Variants in FHIT observed in about 807,000 individuals in gnomAD.
The protein encoded by FHIT is fragile histidine triad diadenosine triphosphatase.
Under a neutral mutation model 17.9 loss-of-function variants are expected in FHIT, and 19 were observed. The ratio of observed to expected loss-of-function variants is 1.06; its 90% CI spans 0.74 to 1.56. The LOEUF (loss-of-function observed/expected upper bound fraction) is 1.56. FHIT is among the 40% of genes most tolerant of loss of function. The pLI, the probability that FHIT is intolerant of heterozygous loss-of-function variation, is 0.00. For missense variants in FHIT, 248 were observed against 189.2 expected (o/e 1.31, Z -1.82); for synonymous variants, 81 against 69.7 (o/e 1.16, Z -0.81).
intron 4 of FHIT, among the ~76,000 whole-genome samples, chr3:60,575,079 A>G (rs181493538): frequency 6.6e-6 from 1 of 152,214 alleles, no homozygotes; most frequent in East Asian, 1.9e-4. Context: ...CAGTCTCCAA[A>G]GAGTTTTCCT....
intron 2 of FHIT, among the ~76,000 whole-genome samples, chr3:61,130,930 C>G (rs2036746736): frequency 1.3e-5 from 2 of 152,138 alleles, no homozygotes; most frequent in African/African-American, 4.8e-5. Flanking sequence ...TGATCCTAGG[C>G]CTGTATGAAA....
chr3:61,218,844 C>G (rs1004001586), intron 1 of FHIT, among the ~76,000 whole-genome samples: 18 of 152,148 alleles, frequency 1.2e-4, no homozygotes, highest in Non-Finnish European at 2.2e-4. Context: ...ATTGTTCAAA[C>G]CAACCCCACC....
chr3:60,705,119 AC>A (rs1174342980), intron 4 of FHIT, among the ~76,000 whole-genome samples: 1 of 152,120 alleles, frequency 6.6e-6, no homozygotes, highest in Non-Finnish European at 1.5e-5. Flanking sequence ...AGGAGAAACC[AC>A]AGAGAATGAT....
chr3:60,559,583 A>G (rs955529817), intron 4 of FHIT, among the ~76,000 whole-genome samples: 5 of 152,138 alleles, frequency 3.3e-5, no homozygotes, highest in African/African-American at 1.2e-4. Context: ...AGGACAATGC[A>G]CAGTATAATG....
Position 60,274,685 on chromosome 3 carries a change from A to T in FHIT, c.104-260533T>A, listed in dbSNP as rs141710097. On this transcript the variant is annotated intron_variant, in intron 5 of 9. Transcript: ENST00000492590. Reference sequence around the variant, plus strand: ...AAATTTGAGAAAAAACAAATCTATTAAAACAGAAGATATAGTCTCTTGGAC... The same window carrying T: ...AAATTTGAGAAAAAACAAATCTATTTAAACAGAAGATATAGTCTCTTGGAC... Among the ~76,000 whole-genome samples, 971 of 152,298 alleles carry T rather than the reference A, an allele frequency of 6.4e-3. 11 individuals are homozygous for T. The highest frequency in any genetic ancestry group is 0.022 in the African/African-American group (923 of 41,562).
intron 4 of FHIT, among the ~76,000 whole-genome samples, chr3:60,667,283 C>G: frequency 6.6e-6 from 1 of 152,036 alleles, no homozygotes; most frequent in Non-Finnish European, 1.5e-5. Context: ...GGGTCCTGTT[C>G]ATTTTTTCAG....
intron 4 of FHIT, among the ~76,000 whole-genome samples, chr3:60,669,500 A>G (rs1202481624): frequency 1.3e-5 from 2 of 152,192 alleles, no homozygotes; most frequent in African/African-American, 4.8e-5. Flanking sequence ...ACACACAAAC[A>G]CACACATATA....
At position 59,846,853 on chromosome 3, in the gene FHIT, C is replaced by T. The variant is rs370477776; in HGVS notation, c.348+75493G>A. Among the ~76,000 whole-genome samples the T allele has an allele frequency of 1.2e-4, 19 of 152,198 alleles. 1 individual carries two copies. In the East Asian group the frequency reaches 2.5e-3, roughly 20 times the overall value. On this transcript the variant is annotated intron_variant, in intron 8 of 9. Coordinates refer to ENST00000492590, the MANE Select transcript of FHIT (RefSeq NM_002012.4). Reference sequence around the variant, plus strand: ...TTTTGCAGTACAGTTTTGTTGGATACGTGATTATTGGCTGACAGTTTTTTT... The same window carrying T: ...TTTTGCAGTACAGTTTTGTTGGATATGTGATTATTGGCTGACAGTTTTTTT...
At chr3:59,916,321 C>A (rs1454222479) in intron 8 of FHIT, among the ~76,000 whole-genome samples, 1 of 152,062 alleles carries the variant, frequency 6.6e-6, no homozygotes, top group Non-Finnish European at 1.5e-5. Context: ...GGCTCTCGGG[C>A]CTTCAGCAAC....
intron 5 of FHIT, among the ~76,000 whole-genome samples, chr3:60,081,819 T>C (rs1005574254): frequency 1.3e-5 from 2 of 152,078 alleles, no homozygotes; most frequent in Non-Finnish European, 2.9e-5. Flanking sequence ...ATGCCAGGCA[T>C]CTTTTCCTGT....
chr3:59,978,321 T>G (rs145553075), intron 7 of FHIT, among the ~76,000 whole-genome samples: 261 of 152,218 alleles, frequency 1.7e-3, no homozygotes, highest in African/African-American at 6.1e-3. Flanking sequence ...CCACCTTACA[T>G]GCCAATTACA....
At chr3:59,823,947 C>A (rs1223717722) in intron 8 of FHIT, among the ~76,000 whole-genome samples, 1 of 152,134 alleles carries the variant, frequency 6.6e-6, no homozygotes, top group Non-Finnish European at 1.5e-5. Context: ...ACCTAGGAAA[C>A]CCTAAAGACT....
intron 5 of FHIT, among the ~76,000 whole-genome samples, chr3:60,341,708 C>T (rs983156170): frequency 1.3e-5 from 2 of 152,140 alleles, no homozygotes; most frequent in African/African-American, 2.4e-5. Context: ...CCAAATTCTA[C>T]ACTTAGATTG....
At chr3:59,947,852 T>G (rs537348471) in intron 7 of FHIT, among the ~76,000 whole-genome samples, 1 of 152,340 alleles carries the variant, frequency 6.6e-6, no homozygotes, top group Non-Finnish European at 1.5e-5. Context: ...GGTGGGTGTA[T>G]GCCAATTTTG....
At chr3:60,854,749 C>T (rs1475848638) in intron 3 of FHIT, among the ~76,000 whole-genome samples, 1 of 152,122 alleles carries the variant, frequency 6.6e-6, no homozygotes, top group Non-Finnish European at 1.5e-5. Flanking sequence ...GTGACTTCCA[C>T]ATACATCTGC....
At chr3:60,137,589 G>A (rs567624028) in intron 5 of FHIT, among the ~76,000 whole-genome samples, 1 of 152,258 alleles carries the variant, frequency 6.6e-6, no homozygotes, top group East Asian at 1.9e-4. Flanking sequence ...ACTGATCAGG[G>A]CACTGACACT....
At position 59,856,508 on chromosome 3, in the gene FHIT, A is replaced by G. The variant is rs572395810; in HGVS notation, c.348+65838T>C. Among the ~76,000 whole-genome samples, 619 of 152,352 alleles carry G rather than the reference A, an allele frequency of 4.1e-3. 2 individuals carry two copies. The highest frequency in any genetic ancestry group is 7.3e-3 in the Non-Finnish European group (498 of 68,020). ...GGACCAGGCATAAAAATCACAAGGG[A>G]GGAAAATTACAGCCTTCTCTCACAA... On this transcript the variant is annotated intron_variant, in intron 8 of 9. Coordinates refer to ENST00000492590, the MANE Select transcript of FHIT (RefSeq NM_002012.4).
chr3:60,638,915 A>G (rs1416131034), intron 4 of FHIT, among the ~76,000 whole-genome samples: 1 of 151,142 alleles, frequency 6.6e-6, no homozygotes, highest in Non-Finnish European at 1.5e-5. Context: ...TTAAAACATG[A>G]CTGGAAAAGT....
intron 3 of FHIT, among the ~76,000 whole-genome samples, chr3:60,948,362 T>C (rs890996567): frequency 6.6e-5 from 10 of 152,218 alleles, no homozygotes; most frequent in Non-Finnish European, 1.2e-4. Context: ...GATTTATGCT[T>C]CTACTATAAT....
Sources: allele counts gnomAD v4.1 joint callset (sites outside exome capture counted in the v4.1 genomes callset), GRCh38; gene constraint gnomAD v4.1.1; transcripts MANE v1.5; gene names NCBI Gene and HGNC (gene_info 2026-07-23, HGNC 2026-07-21).